The following ALK variants were observed in gnomAD, a reference collection of about 807,000 sequenced individuals.
ALK encodes ALK receptor tyrosine kinase, also known as ALK tyrosine kinase receptor.
A neutral mutation model predicts 163.1 loss-of-function variants in ALK; 74 were observed. That is an observed-to-expected ratio of 0.45 (90% confidence interval 0.38 to 0.55). ALK has a LOEUF of 0.55. ALK is among the 20% of genes least tolerant of loss of function. ALK has a pLI of 0.00. For synonymous variants in ALK, 960 were observed against 843.2 expected (o/e 1.14, Z -2.40); for missense variants, 2,063 against 2,105.3 (o/e 0.98, Z 0.39).
intron 4 of ALK, among the ~76,000 whole-genome samples, chr2:29,415,236 G>C (rs1045140473): frequency 3.3e-5 from 5 of 151,354 alleles, no homozygotes; most frequent in African/African-American, 7.3e-5. Context: ...TGCAAAACAG[G>C]TTTTTGCTTT....
intron 3 of ALK, among the ~76,000 whole-genome samples, chr2:29,552,172 T>G (rs1475062243): frequency 2.0e-5 from 3 of 152,230 alleles, no homozygotes; most frequent in Non-Finnish European, 4.4e-5. Context: ...GTTCATCTAT[T>G]TCACAGCATG....
At chr2:29,670,104 G>C (rs1423809373) in intron 3 of ALK, among the ~76,000 whole-genome samples, 2 of 152,070 alleles carry the variant, frequency 1.3e-5, no homozygotes, top group Admixed American at 6.6e-5. Context: ...AATTTTACCA[G>C]TGGGTTTTTC....
intron 1 of ALK, among the ~76,000 whole-genome samples, chr2:29,742,142 A>G (rs1680079387): frequency 6.6e-6 from 1 of 152,242 alleles, no homozygotes; most frequent in Non-Finnish European, 1.5e-5. Context: ...TGTGACTGCG[A>G]GTGAACAGGG....
intron 7 of ALK, among the ~76,000 whole-genome samples, 169 bp from the exon 8 acceptor site, chr2:29,318,573 T>C (rs1180281949): frequency 2.0e-5 from 3 of 151,692 alleles, no homozygotes; most frequent in South Asian, 4.2e-4. Flanking sequence ...CAATTTCTTT[T>C]TTTTTTTTTT....
intron 4 of ALK, among the ~76,000 whole-genome samples, chr2:29,431,124 A>C (rs556952157): frequency 7.9e-5 from 12 of 152,308 alleles, no homozygotes; most frequent in Non-Finnish European, 1.5e-4. Flanking sequence ...AGAGCTACAA[A>C]GGACAACAGT....
At chr2:29,889,720 A>C (rs1170718922) in intron 1 of ALK, among the ~76,000 whole-genome samples, 2 of 128,346 alleles carry the variant, frequency 1.6e-5, no homozygotes, top group Non-Finnish European at 3.3e-5. Context: ...AGAGAGAGAG[A>C]GAGAGAGAGA....
chr2:29,695,667 G>GA (rs956877730), intron 2 of ALK, among the ~76,000 whole-genome samples: 54 of 151,250 alleles, frequency 3.6e-4, no homozygotes, highest in African/African-American at 1.1e-3. Flanking sequence ...AAATTTACCA[G>GA]AAAAAAAACA....
chr2:29,797,189 G>A (rs905409196), intron 1 of ALK, among the ~76,000 whole-genome samples: 1 of 152,088 alleles, frequency 6.6e-6, no homozygotes, highest in Non-Finnish European at 1.5e-5. Context: ...AAGTTTAGCA[G>A]CTCTCTGCTC....
chr2:29,717,361 C>T (rs949523125), intron 2 of ALK, among the ~76,000 whole-genome samples: 1 of 152,018 alleles, frequency 6.6e-6, no homozygotes, highest in Non-Finnish European at 1.5e-5. Flanking sequence ...AAGCCCTTGG[C>T]TCCCACCAGG....
chr2:29,209,706 G>A (rs927200123), intron 25 of ALK, 80 bp downstream of exon 25: 4 of 1,028,260 alleles, frequency 3.9e-6, no homozygotes, highest in Admixed American at 3.6e-5. Flanking sequence ...GATGATGTAA[G>A]GGACAAGCAG....
In ALK at chr2:29,311,146, T is replaced by A. The variant is rs762887678; in HGVS notation, c.1647+7158A>T. 3.3e-5 allele frequency among the ~76,000 whole-genome samples: 5 copies of A among 152,332 alleles called. No homozygotes were observed. In the South Asian group the frequency reaches 1.0e-3, roughly 32 times the overall value. ...AGCAGCTGCCAGGGCTCAGCCCTCC[T>A]GAGGTTTCAGCACCAGGGTGAGGGT... On this transcript the variant is annotated intron_variant, in intron 8 of 28. Coordinates refer to ENST00000389048, the MANE Select transcript of ALK (RefSeq NM_004304.5).
intron 1 of ALK, among the ~76,000 whole-genome samples, chr2:29,762,391 G>A (rs188911520): frequency 1.3e-5 from 2 of 152,296 alleles, no homozygotes; most frequent in South Asian, 2.1e-4. Flanking sequence ...AATGGGTCTC[G>A]TTGCTGAAAT....
At chr2:29,584,078 T>A (rs892873202) in intron 3 of ALK, among the ~76,000 whole-genome samples, 28 of 152,076 alleles carry the variant, frequency 1.8e-4, no homozygotes, top group African/African-American at 6.3e-4. Flanking sequence ...GTAGGGTAAG[T>A]CAGGGGGTGT....
chr2:29,450,925 G>C (rs1670804840), intron 4 of ALK, among the ~76,000 whole-genome samples: 2 of 152,126 alleles, frequency 1.3e-5, no homozygotes, highest in South Asian at 4.1e-4. Flanking sequence ...AGAGTCCGTG[G>C]GGGCGGGGCT....
chr2:29,822,773 C>A (rs1191070182), intron 1 of ALK, among the ~76,000 whole-genome samples: 1 of 152,234 alleles, frequency 6.6e-6, no homozygotes, highest in African/African-American at 2.4e-5. Context: ...ATAGTCCTTG[C>A]CCATTAGCTG....
At chr2:29,539,069 G>T (rs1347698993) in intron 3 of ALK, among the ~76,000 whole-genome samples, 2 of 151,744 alleles carry the variant, frequency 1.3e-5, no homozygotes, top group Non-Finnish European at 2.9e-5. Flanking sequence ...CAAATCAGCT[G>T]TACTTTTCCT....
intron 4 of ALK, among the ~76,000 whole-genome samples, chr2:29,435,144 C>T (rs79610319): frequency 6.6e-6 from 1 of 152,114 alleles, no homozygotes; most frequent in Non-Finnish European, 1.5e-5. Flanking sequence ...TTACCCAAAA[C>T]GCGGTGGAAA....
At chr2:29,197,036 G>C (rs1669040790) in intron 27 of ALK, among the ~76,000 whole-genome samples, 176 bp from the exon 28 acceptor site, 1 of 152,096 alleles carries the variant, frequency 6.6e-6, no homozygotes, top group Non-Finnish European at 1.5e-5. Context: ...CAGGTGTAAA[G>C]GTATCTAACA....
At chr2:29,313,382 G>A (rs1191801312) in intron 8 of ALK, among the ~76,000 whole-genome samples, 1 of 152,168 alleles carries the variant, frequency 6.6e-6, no homozygotes, top group Non-Finnish European at 1.5e-5. Context: ...TAGGTGAGTG[G>A]CAGTGTCCCC....
Sources: allele counts gnomAD v4.1 joint callset (sites outside exome capture counted in the v4.1 genomes callset), GRCh38; gene constraint gnomAD v4.1.1; transcripts MANE v1.5; gene names NCBI Gene and HGNC (gene_info 2026-07-23, HGNC 2026-07-21).